MEGF10: variants seen among roughly 807,000 people sequenced by gnomAD.
MEGF10 encodes the protein multiple epidermal growth factor-like domains protein 10.
Under a neutral mutation model 147.5 loss-of-function variants are expected in MEGF10, and 86 were observed. The ratio of observed to expected loss-of-function variants is 0.58; its 90% confidence interval spans 0.49 to 0.70. The LOEUF is 0.70. MEGF10 is among the 30% of genes least tolerant of loss of function. The pLI, the probability that MEGF10 is intolerant of heterozygous loss-of-function variation, is 0.00. For missense variants in MEGF10, 1,329 were observed against 1,487.3 expected, an observed-to-expected ratio of 0.89 and a Z score of 1.75; for synonymous variants, 478 against 525.5, an observed-to-expected ratio of 0.91 and a Z score of 1.24.
At chr5:127,363,340 G>A (rs1762543274) in intron 4 of MEGF10, among the ~76,000 whole-genome samples, 1 of 152,178 alleles carries the variant, frequency 6.6e-6, no homozygotes, top group African/African-American at 2.4e-5. Context: ...TGATAAGTCT[G>A]GAAGTGGGTG....
At chr5:127,318,387 T>C (rs932560033) in intron 1 of MEGF10, among the ~76,000 whole-genome samples, 3 of 152,152 alleles carry the variant, frequency 2.0e-5, no homozygotes, top group African/African-American at 4.8e-5. Flanking sequence ...TTCAGGAATA[T>C]CCAACCAAAA....
At chr5:127,249,345 G>C in the MEGF10 span, among the ~76,000 whole-genome samples, 1 of 150,940 alleles carries the variant, frequency 6.6e-6, no homozygotes, top group African/African-American at 2.5e-5. Flanking sequence ...TACACACAGA[G>C]AGAGAGAGAG....
chr5:127,339,758 C>A (rs1761607790), intron 3 of MEGF10, among the ~76,000 whole-genome samples: 1 of 152,116 alleles, frequency 6.6e-6, no homozygotes, highest in Non-Finnish European at 1.5e-5. Context: ...ATGAGTTATG[C>A]CTTGAGTGCA....
At chr5:127,419,751 A>T (rs1170810707) in intron 11 of MEGF10, among the ~76,000 whole-genome samples, 1 of 152,176 alleles carries the variant, frequency 6.6e-6, no homozygotes, top group Non-Finnish European at 1.5e-5. Context: ...CACAGTGTGC[A>T]TCACTGCCCA....
At chr5:127,394,777 T>G (rs1763834940) in intron 5 of MEGF10, among the ~76,000 whole-genome samples, 1 of 152,196 alleles carries the variant, frequency 6.6e-6, no homozygotes, top group Admixed American at 6.5e-5. Context: ...GAAAGAAGAT[T>G]GTGAGTTCTT....
chr5:127,408,018 T>C (rs1446979096), intron 8 of MEGF10, among the ~76,000 whole-genome samples: 1 of 152,236 alleles, frequency 6.6e-6, no homozygotes, highest in Non-Finnish European at 1.5e-5. Context: ...ATAGGACTTT[T>C]TGTTTTATAT....
At chr5:127,305,601 T>A (rs1444276187) in intron 1 of MEGF10, among the ~76,000 whole-genome samples, 1 of 151,832 alleles carries the variant, frequency 6.6e-6, no homozygotes, top group Admixed American at 6.6e-5. Flanking sequence ...GCACTTTTCT[T>A]CCGCCATTAA....
In MEGF10 at chr5:127,331,415, A is replaced by C; in HGVS notation, c.107A>C (p.His36Pro). The change falls in exon 2 of 25, where the codon CAC (histidine) becomes CCC (proline). Residue 36 changes from histidine (H) to proline (P), a missense_variant. His to Pro is a moderately conservative substitution (Grantham distance 77). This residue lies in a region of MEGF10 where 980 missense variants were observed against 1,085.9 expected (regional missense o/e 0.90). Transcript: ENST00000503335. ...LNLEDPNVCSHWESYSVTVQE... is the reference protein window; with the variant it reads ...LNLEDPNVCSPWESYSVTVQE... ...CTTGAAGACCCTAATGTGTGTAGCC[A>C]CTGGGAAAGGTAATGGTTTTGAAAG... 1 of 1,600,492 alleles carries C rather than the reference A, an allele frequency of 6.2e-7. No homozygotes were observed. The highest frequency in any genetic ancestry group is 8.6e-7 in the Non-Finnish European group (1 of 1,168,804).
At chr5:127,249,743 A>G in the MEGF10 span, among the ~76,000 whole-genome samples, 1,741 of 152,176 alleles carry the variant, frequency 0.011, 23 homozygotes, top group African/African-American at 0.032. Flanking sequence ...AATCCCTGAG[A>G]CTGGGTAATT....
intron 1 of MEGF10, among the ~76,000 whole-genome samples, chr5:127,327,632 A>G (rs1761088785): frequency 6.6e-6 from 1 of 152,150 alleles, no homozygotes; most frequent in South Asian, 2.1e-4. Flanking sequence ...TTTACTCACC[A>G]AAACCTATAG....
chr5:127,325,703 G>A (rs1760987143), intron 1 of MEGF10, among the ~76,000 whole-genome samples: 1 of 151,842 alleles, frequency 6.6e-6, no homozygotes, highest in African/African-American at 2.4e-5. Flanking sequence ...GTTTTTGTTT[G>A]ATGTGAAGTG....
chr5:127,395,651 T>G (rs1019907462), intron 5 of MEGF10, among the ~76,000 whole-genome samples: 2 of 149,380 alleles, frequency 1.3e-5, no homozygotes, highest in African/African-American at 4.9e-5. Context: ...TTCACGCCAT[T>G]CTCCTGCCTC....
chr5:127,264,771 G>C, the MEGF10 span, among the ~76,000 whole-genome samples: 3 of 152,100 alleles, frequency 2.0e-5, no homozygotes, highest in African/African-American at 7.2e-5. Context: ...AAGGGTAGCT[G>C]CTTCAGAAAA....
Position 127,457,167 on chromosome 5 carries a change from A to G in MEGF10, c.3272A>G (p.Asn1091Ser). The change falls in exon 25 of 25, where the codon AAT (asparagine) becomes AGT (serine). Residue 1091 changes from asparagine (N) to serine (S), a missense_variant. Transcript: ENST00000503335. ...GTTGTCCAAGGAGTATTCAGCAATA[A>G]TGGGCGTCTCTCCCAGGATCCATAT... is the stretch of plus-strand genomic sequence containing the variant. The part of the protein sequence containing the change: ...VSVVQGVFSN[N>S]GRLSQDPYDL... The G allele has an allele frequency of 2.5e-6, 4 of 1,614,040 alleles. No individual in the cohort carries two copies. Among genetic ancestry groups the G allele is most frequent in the Non-Finnish European group, 3.4e-6 (4 of 1,179,968 alleles).
chr5:127,460,559 C>T lies in MEGF10; in HGVS notation c.*3241C>T, dbSNP rs2127055691. 1 of 152,180 alleles carries T rather than the reference C, an allele frequency of 6.6e-6. No individual in the cohort carries two copies. Among genetic ancestry groups the T allele is most frequent in the South Asian group, 2.1e-4 (1 of 4,810 alleles). 9.4% of individuals were successfully genotyped at this position (152,180 alleles called of 1,614,324 possible). Reference sequence around the variant, plus strand: ...GACTGTGTGTTCTGAGAAATGCAAACAACTTTATGAAAGTGTGGTCATCTT... The same window carrying T: ...GACTGTGTGTTCTGAGAAATGCAAATAACTTTATGAAAGTGTGGTCATCTT... On this transcript the variant is annotated 3_prime_UTR_variant, in exon 25 of 25. Transcript: ENST00000503335.
chr5:127,393,879 C>T (rs1022695525), intron 5 of MEGF10, among the ~76,000 whole-genome samples: 87 of 151,260 alleles, frequency 5.8e-4, no homozygotes, highest in Non-Finnish European at 7.7e-4. Flanking sequence ...GACTGCCCCA[C>T]TGGGAGATAA....
the MEGF10 span, among the ~76,000 whole-genome samples, chr5:127,258,332 T>C: frequency 2.6e-5 from 4 of 152,184 alleles, no homozygotes. Flanking sequence ...TAAGGAATTA[T>C]GTAATGGTAG....
chr5:127,265,537 C>A, the MEGF10 span, among the ~76,000 whole-genome samples: 2 of 152,148 alleles, frequency 1.3e-5, no homozygotes, highest in African/African-American at 2.4e-5. Context: ...GTCCCACCAA[C>A]AGTGTAAAAG....
At chr5:127,336,218 A>G (rs749842972) in intron 2 of MEGF10, among the ~76,000 whole-genome samples, 2 of 151,820 alleles carry the variant, frequency 1.3e-5, no homozygotes, top group Non-Finnish European at 2.9e-5. Context: ...TGTCAAAATA[A>G]TTTTAATGAG....
Sources: gnomAD v4.1 joint callset for allele counts (sites outside exome capture counted in the v4.1 genomes callset) on GRCh38, gnomAD v4.1.1 for gene constraint, gnomAD v4.1.1 regional missense constraint, MANE v1.5 for transcripts, NCBI Gene and HGNC (gene_info 2026-07-23, HGNC 2026-07-21) for gene names.